EYA1: variants seen among roughly 807,000 people sequenced by gnomAD.
EYA1 encodes EYA transcriptional coactivator and phosphatase 1.
Under a neutral mutation model 82.0 loss-of-function variants are expected in EYA1, and 16 were observed. That is an observed-to-expected ratio of 0.20 (90% CI 0.13 to 0.30). The LOEUF (loss-of-function observed/expected upper bound fraction) is 0.30. Ranked by LOEUF, EYA1 falls within the 10% of genes least tolerant of loss-of-function variation. The pLI is 1.00. For synonymous variants in EYA1, 261 were observed against 264.4 expected, an observed-to-expected ratio of 0.99 and a Z score of 0.12; for missense variants, 633 against 730.7, an observed-to-expected ratio of 0.87 and a Z score of 1.54.
At chr8:71,310,890 A>G (rs1821265516) in intron 7 of EYA1, among the ~76,000 whole-genome samples, 1 of 152,118 alleles carries the variant, frequency 6.6e-6, no homozygotes, top group Admixed American at 6.6e-5. Flanking sequence ...TTAAAATATG[A>G]CTAAAGATGT....
At chr8:71,277,917 A>T in intron 9 of EYA1, among the ~76,000 whole-genome samples, 1 of 152,352 alleles carries the variant, frequency 6.6e-6, no homozygotes, top group South Asian at 2.1e-4. Context: ...ATTAAGTCAT[A>T]AAATATTAAA....
At chr8:71,309,363 A>C (rs1317616439) in intron 7 of EYA1, among the ~76,000 whole-genome samples, 1 of 14,664 alleles carries the variant, frequency 6.8e-5, no homozygotes, top group Non-Finnish European at 1.1e-4. Context: ...CAATTTAAGC[A>C]AAAAAAAAAA....
At chr8:71,473,436 A>G (rs1447197479) in intron 2 of EYA1, among the ~76,000 whole-genome samples, 1 of 152,190 alleles carries the variant, frequency 6.6e-6, no homozygotes, top group Non-Finnish European at 1.5e-5. Flanking sequence ...GTGGCCAAAA[A>G]ACATATGAAA....
rs1306818219 is a variant in EYA1, at chr8:71,248,524, A to T, written c.1051-3832T>A. On this transcript the variant is annotated intron_variant, in intron 11 of 17. Transcript: ENST00000340726. ...TCTACAGTTTGAAAGGCAGAGCTCT[A>T]GAAAACACCTACTCTTTGACTTTAG... Among the ~76,000 whole-genome samples, 5 of 152,352 alleles carry T rather than the reference A, an allele frequency of 3.3e-5. No homozygotes were observed. In the East Asian group the frequency reaches 7.7e-4, roughly 24 times the overall value.
chr8:71,540,242 T>C (rs1251959556), intron 1 of EYA1, among the ~76,000 whole-genome samples: 1 of 152,184 alleles, frequency 6.6e-6, no homozygotes, highest in Non-Finnish European at 1.5e-5. Flanking sequence ...AAAAAAAATA[T>C]GCAAGAGATC....
intron 1 of EYA1, chr8:71,535,944 A>G: frequency 2.3e-6 from 1 of 429,310 alleles, no homozygotes. Context: ...ACCAGCATGT[A>G]TACACAAGTC....
chr8:71,299,601 GA>G (rs755463239), intron 8 of EYA1, 36 bp downstream of exon 8: 2 of 1,118,304 alleles, frequency 1.8e-6, no homozygotes, highest in Non-Finnish European at 2.7e-6. Context: ...TGCATTTAAA[GA>G]TATTTTTCAG....
chr8:71,414,004 T>G lies in EYA1; in HGVS notation c.34-57493A>C, dbSNP rs566933721. Among the ~76,000 whole-genome samples the G allele has an allele frequency of 2.6e-5, 4 of 152,238 alleles. No homozygotes were observed. The South Asian group carries it at 8.3e-4, about 32-fold the overall frequency. On this transcript the variant is annotated intron_variant, in intron 2 of 18. Transcript: ENST00000643681. ...TAGAGAATGCTGTTGGGATTAACACTGTGTAAGGGTAGGAAAGAAAGTAGA... is the reference window on the plus strand; with the variant it reads ...TAGAGAATGCTGTTGGGATTAACACGGTGTAAGGGTAGGAAAGAAAGTAGA...
At chr8:71,440,351 T>C (rs1015656140) in intron 2 of EYA1, among the ~76,000 whole-genome samples, 5 of 152,116 alleles carry the variant, frequency 3.3e-5, no homozygotes, top group Admixed American at 2.0e-4. Context: ...GCAGTAGTGA[T>C]GGAAAAATCA....
At chr8:71,454,834 A>C (rs1373674436) in intron 2 of EYA1, among the ~76,000 whole-genome samples, 2 of 152,260 alleles carry the variant, frequency 1.3e-5, no homozygotes, top group Non-Finnish European at 2.9e-5. Flanking sequence ...TCTAAAATTG[A>C]CACTGTGACA....
intron 2 of EYA1, among the ~76,000 whole-genome samples, chr8:71,498,416 T>C (rs1811577901): frequency 6.6e-6 from 1 of 152,198 alleles, no homozygotes; most frequent in South Asian, 2.1e-4. Context: ...CATCGAAATA[T>C]TCTAATAGAG....
intron 9 of EYA1, among the ~76,000 whole-genome samples, chr8:71,272,345 AG>A (rs1345093047): frequency 1.7e-4 from 26 of 152,290 alleles, no homozygotes; most frequent in African/African-American, 6.0e-4. Flanking sequence ...TCTCTGGGGC[AG>A]GGAAAACTGA....
At chr8:71,345,355 A>G (rs2129057191) in intron 3 of EYA1, among the ~76,000 whole-genome samples, 1 of 152,308 alleles carries the variant, frequency 6.6e-6, no homozygotes, top group Non-Finnish European at 1.5e-5. Context: ...AGTTGTAGCA[A>G]CACTACAGGC....
At chr8:71,487,825 A>G (rs2129220859) in intron 2 of EYA1, among the ~76,000 whole-genome samples, 1 of 152,304 alleles carries the variant, frequency 6.6e-6, no homozygotes, top group African/African-American at 2.4e-5. Flanking sequence ...AATACCAAGA[A>G]TTGTTGAAGA....
chr8:71,534,362 T>C (rs1814524712), intron 2 of EYA1, among the ~76,000 whole-genome samples: 1 of 152,254 alleles, frequency 6.6e-6, no homozygotes, highest in Non-Finnish European at 1.5e-5. Flanking sequence ...AAAAGCTACA[T>C]GATACGAAGT....
At chr8:71,351,466 T>G (rs1826299431) in intron 3 of EYA1, among the ~76,000 whole-genome samples, 1 of 152,216 alleles carries the variant, frequency 6.6e-6, no homozygotes, top group Admixed American at 6.5e-5. Context: ...GTGAAACCAA[T>G]CAACAGTTAA....
intron 2 of EYA1, among the ~76,000 whole-genome samples, chr8:71,441,834 C>T (rs542238374): frequency 1.1e-4 from 17 of 152,152 alleles, no homozygotes; most frequent in African/African-American, 2.9e-4. Flanking sequence ...AATTAGATTA[C>T]GTCATGAGGT....
intron 12 of EYA1, among the ~76,000 whole-genome samples, chr8:71,240,411 G>C (rs1812340709): frequency 6.6e-6 from 1 of 152,124 alleles, no homozygotes; most frequent in Admixed American, 6.6e-5. Flanking sequence ...GAATGCTCTG[G>C]TCTGCTCCAA....
intron 16 of EYA1, among the ~76,000 whole-genome samples, chr8:71,214,832 T>C (rs1408745064): frequency 6.6e-6 from 1 of 152,232 alleles, no homozygotes; most frequent in Non-Finnish European, 1.5e-5. Flanking sequence ...CCATGTCTTT[T>C]TATTCCTATG....
Sources: allele counts gnomAD v4.1 joint callset (sites outside exome capture counted in the v4.1 genomes callset), GRCh38; gene constraint gnomAD v4.1.1; transcripts MANE v1.5; gene names NCBI Gene and HGNC (gene_info 2026-07-23, HGNC 2026-07-21).